Variants in GK observed in about 807,000 individuals in gnomAD.
GK encodes glycerol kinase, also known as ATP:glycerol 3-phosphotransferase.
A neutral mutation model predicts 56.4 loss-of-function variants in GK; 9 were observed. The observed-to-expected ratio is 0.16, with a 90% confidence interval of 0.10 to 0.28. The LOEUF (loss-of-function observed/expected upper bound fraction) is 0.28, where lower values mean the gene tolerates loss of function less well. Among genes scored for constraint, GK ranks in the 10% least tolerant of loss-of-function variants. The pLI, the probability that GK is intolerant of heterozygous loss-of-function variation, is 1.00. For synonymous variants in GK, 104 were observed against 144.1 expected (o/e 0.72, Z 1.99); for missense variants, 161 against 431.4 (o/e 0.37, Z 5.55).
At chrX:30,707,635 T>A in intron 12 of GK, 37 bp downstream of exon 12, 1 of 729,821 alleles carries the variant, frequency 1.4e-6, no homozygotes, top group Non-Finnish European at 2.2e-6. Flanking sequence ...TTTAAAAGTC[T>A]AAGTTCATCT....
chrX:30,673,837 T>G (rs1359322506), intron 3 of GK, among the ~76,000 whole-genome samples: 1 of 111,721 alleles, frequency 9.0e-6, no homozygotes, highest in Non-Finnish European at 1.9e-5. Flanking sequence ...AGCCAGCTTA[T>G]TGATGGTAAA....
rs201629061 is a variant in GK at position 30,700,449 on chromosome X, G to A, written c.783G>A (p.Gly261=). 1 of 1,187,915 alleles carries A rather than the reference G, an allele frequency of 8.4e-7. No individual in the cohort carries two copies. The highest frequency in any genetic ancestry group is 1.8e-5 in the African/African-American group (1 of 56,556). Residue 261 remains glycine (G), a splice_region_variant and synonymous_variant, in exon 10 of 21, where the codon GGG becomes GGA. Coordinates refer to ENST00000427190, the MANE Select transcript of GK (RefSeq NM_001205019.2). ...CCTTGGAAGGTGTGCCAATATCTGG[G>A]GTAAGTTTCATCACCAAGTGTCTCC... ...AGALEGVPIS[G]CLGDQSAALV... is the part of the protein sequence containing the mutation.
chrX:30,665,639 C>A, intron 2 of GK, 55 bp downstream of exon 2: 1 of 707,663 alleles, frequency 1.4e-6, no homozygotes, highest in South Asian at 2.2e-5. Flanking sequence ...GTCCATCTCA[C>A]CCAACTTGCC....
chrX:30,658,284 C>A (rs773138569), intron 1 of GK, among the ~76,000 whole-genome samples: 20 of 112,042 alleles, frequency 1.8e-4, no homozygotes, highest in Middle Eastern at 4.7e-3. Context: ...TGGAATGAGG[C>A]CACTCTTGTG....
At chrX:30,697,776 AC>A in intron 9 of GK, 27 bp downstream of exon 9, 1 of 1,108,875 alleles carries the variant, frequency 9.0e-7, no homozygotes, top group Non-Finnish European at 1.2e-6. Context: ...CCAATTATGT[AC>A]CCATTCATTT....
At chrX:30,662,709 T>TTC (rs1932797095) in intron 1 of GK, among the ~76,000 whole-genome samples, 1 of 102,705 alleles carries the variant, frequency 9.7e-6, no homozygotes, top group Admixed American at 1.1e-4. Context: ...CTCTTTCTCT[T>TTC]TTTCTTTCTT....
rs1937249194 is a variant in GK, at chrX:30,728,881, T to G, written c.*139T>G. On this transcript the variant is annotated 3_prime_UTR_variant, in exon 21 of 21. Transcript: ENST00000427190. ...GCCACTTGCTGCATGACCCTCCAAG[T>G]AGACCTGTGGCTTAAAATAAAGAAA... 3.1e-5 allele frequency: 16 copies of G among 510,030 alleles called. No individual in the cohort carries two copies. Among genetic ancestry groups the G allele is most frequent in the Non-Finnish European group, 5.6e-5 (16 of 286,769 alleles). 42.0% of individuals were successfully genotyped at this position (510,030 alleles called of 1,213,427 possible). A position where few individuals can be genotyped will look rare whatever the true frequency, so the allele number is the denominator to read the frequency against.
At chrX:30,688,483 CAGAA>C (rs1434580173) in intron 4 of GK, among the ~76,000 whole-genome samples, 1 of 76,668 alleles carries the variant, frequency 1.3e-5, no homozygotes, top group South Asian at 7.4e-4. Flanking sequence ...GACTGGGTGA[CAGAA>C]AGAGACTCTG....
At chrX:30,656,631 CT>C (rs1932305632) in intron 1 of GK, among the ~76,000 whole-genome samples, 1 of 110,695 alleles carries the variant, frequency 9.0e-6, no homozygotes, top group African/African-American at 3.3e-5. Flanking sequence ...TTTAAAAATA[CT>C]TCTATTAATA....
At chrX:30,673,536 A>G (rs12843585) in intron 3 of GK, among the ~76,000 whole-genome samples, 22,170 of 111,032 alleles carry the variant, frequency 0.2, 1,820 homozygotes, top group Admixed American at 0.28. Context: ...CACACATAAG[A>G]CTTGTGTGCC....
At chrX:30,709,192 T>C (rs892162298) in intron 13 of GK, among the ~76,000 whole-genome samples, 3 of 112,117 alleles carry the variant, frequency 2.7e-5, no homozygotes, top group African/African-American at 9.7e-5. Context: ...GTGTTACCTA[T>C]AATATAATAA....
At chrX:30,671,719 G>A (rs1933518920) in intron 3 of GK, 1 of 112,255 alleles carries the variant, frequency 8.9e-6, no homozygotes, top group Non-Finnish European at 1.9e-5. Flanking sequence ...CTCCAACTGA[G>A]CAGCACACAC....
intron 2 of GK, among the ~76,000 whole-genome samples, chrX:30,667,776 C>T (rs1270434655): frequency 3.6e-5 from 4 of 112,067 alleles, no homozygotes; most frequent in Non-Finnish European, 7.5e-5. Context: ...TGTTTGTGGC[C>T]TGCCATTAGT....
chrX:30,690,775 A>G (rs764926726), intron 4 of GK, among the ~76,000 whole-genome samples: 89 of 111,848 alleles, frequency 8.0e-4, no homozygotes, highest in Middle Eastern at 4.6e-3. Context: ...TAGCCTGCCT[A>G]GCTTTTAGAT....
chrX:30,707,620 A>T, intron 12 of GK, 22 bp downstream of exon 12: 1 of 879,004 alleles, frequency 1.1e-6, no homozygotes, highest in Non-Finnish European at 1.7e-6. Flanking sequence ...AAATTAAAAA[A>T]TTGATTTAAA....
At position 30,677,844 on chromosome X, in the gene GK, A is replaced by G. The variant is rs188162114; in HGVS notation, c.337+392A>G. 3,823 of 422,657 alleles carry G rather than the reference A, an allele frequency of 9.0e-3. 132 individuals carry two copies. The highest frequency in any genetic ancestry group is 0.086 in the African/African-American group (3,356 of 38,833). The allele number at this position is 422,657 out of a possible 1,213,427, so 34.8% of individuals were successfully genotyped here. ...CATCTCAAAAAAAAAAAAAGAAAGA[A>G]AAAAAAAAACACATGCAGTCATGGT... is the stretch of plus-strand genomic sequence containing the variant. On this transcript the variant is annotated intron_variant, in intron 4 of 20. Coordinates refer to ENST00000427190, the MANE Select transcript of GK (RefSeq NM_001205019.2).
intron 4 of GK, among the ~76,000 whole-genome samples, chrX:30,684,666 CAAAAAAAAAAAAAAA>C (rs60771873): frequency 3.1e-5 from 1 of 32,401 alleles, no homozygotes; most frequent in East Asian, 1.2e-3. Flanking sequence ...AACTCCATCT[CAAAAAAAAAAAAAAA>C]AAAAAAAAAA....
chrX:30,728,684 T>G (rs760449153), intron 20 of GK, 48 bp from the exon 21 acceptor site: 17 of 896,372 alleles, frequency 1.9e-5, no homozygotes, highest in Non-Finnish European at 2.8e-5. Context: ...AACTCCTGAA[T>G]TGTATGCATG....
At chrX:30,654,674 G>C (rs1056663332) in intron 1 of GK, among the ~76,000 whole-genome samples, 1 of 110,928 alleles carries the variant, frequency 9.0e-6, no homozygotes, top group Admixed American at 9.7e-5. Context: ...AGTGAGCAGA[G>C]ATCACACCAC....
Sources: allele counts gnomAD v4.1 joint callset (sites outside exome capture counted in the v4.1 genomes callset), GRCh38; gene constraint gnomAD v4.1.1; transcripts MANE v1.5; gene names NCBI Gene and HGNC (gene_info 2026-07-23, HGNC 2026-07-21).